RBM3: variants seen among roughly 807,000 people sequenced by gnomAD.
RBM3 encodes RNA binding motif protein 3.
RBM3 carries 3 observed loss-of-function variants against 12.0 expected under a neutral mutation model. That is an observed-to-expected ratio of 0.25 (90% confidence interval 0.11 to 0.65). RBM3 has a LOEUF of 0.65. Among genes scored for constraint, RBM3 ranks in the 30% least tolerant of loss-of-function variants. RBM3 has a pLI of 0.84. For missense variants in RBM3, 108 were observed against 134.5 expected, an observed-to-expected ratio of 0.80 and a Z score of 0.97; for synonymous variants, 58 against 45.7, an observed-to-expected ratio of 1.27 and a Z score of -1.08.
At chrX:48,577,201 G>A in intron 6 of RBM3, 92 bp downstream of exon 6, 1 of 1,177,558 alleles carries the variant, frequency 8.5e-7, no homozygotes, top group Non-Finnish European at 1.1e-6. Flanking sequence ...CTGCATTTCT[G>A]CTGCCCTCAT....
rs1161205767 is a variant in RBM3, at chrX:48,576,928, T to C, written c.414-98T>C. 7.8e-6 allele frequency: 8 copies of C among 1,030,439 alleles called. No homozygotes were observed. In the East Asian group the frequency reaches 9.5e-5, roughly 12 times the overall value. 84.9% of individuals were successfully genotyped at this position (1,030,439 alleles called of 1,213,427 possible). On this transcript the variant is annotated intron_variant, in intron 5 of 6. Coordinates refer to ENST00000376759, the MANE Select transcript of RBM3 (RefSeq NM_006743.5). ...TATCCTGTTTTTGATACGTAAGGTT[T>C]ATGTTATGACCCATACTGTAAAATG...
rs2062073932 is a variant in RBM3, at chrX:48,575,027, C to G, written c.-13-141C>G. 6.1e-6 allele frequency: 3 copies of G among 490,601 alleles called. No individual in the cohort carries two copies. The East Asian group carries it at 1.1e-4, about 18-fold the overall frequency. The allele number at this position is 490,601 out of a possible 1,213,427, so 40.4% of individuals were successfully genotyped here. On this transcript the variant is annotated intron_variant, in intron 1 of 6. Transcript: ENST00000376759. ...TTACCACCTTATTGGCCGCCTTTCT[C>G]AGCTTTTCTGTAGTTACCCATATTT...
intron 2 of RBM3, 79 bp downstream of exon 2, chrX:48,575,362 A>G: frequency 1.0e-6 from 1 of 957,565 alleles, no homozygotes; most frequent in South Asian, 2.1e-5. Flanking sequence ...ATTAACTGAA[A>G]AGTTAGGACC....
At chrX:48,576,199 C>T in intron 3 of RBM3, 115 bp from the exon 4 acceptor site, 1 of 1,167,861 alleles carries the variant, frequency 8.6e-7, no homozygotes, top group African/African-American at 1.8e-5. Context: ...GCACCCAGAA[C>T]CTGGTGCCCA....
At position 48,579,271 on chromosome X, in the gene RBM3, A is replaced by C. The variant is rs2062093659; in HGVS notation, c.*1830A>C. ...CTTTCACCTGGCTAATACTGAGCTA[A>C]GTTACCACCAGGTTGCAAACTCCAG... On this transcript the variant is annotated 3_prime_UTR_variant, in exon 7 of 7. Transcript: ENST00000376759. Among the ~76,000 whole-genome samples, 1 of 111,913 alleles carries C rather than the reference A, an allele frequency of 8.9e-6. No individual in the cohort carries two copies. Among genetic ancestry groups the C allele is most frequent in the South Asian group, 3.7e-4 (1 of 2,719 alleles).
chrX:48,575,604 T>C lies in RBM3; in HGVS notation c.147T>C (p.Phe49=). The C allele has an allele frequency of 8.3e-7, 1 of 1,211,776 alleles. No individual in the cohort carries two copies. The highest frequency in any genetic ancestry group is 1.1e-6 in the Non-Finnish European group (1 of 895,459). Reference sequence around the variant, plus strand: ...GGGAGACTCAGCGGTCCAGGGGTTTTGGTTTCATCACCTTCACCAACCCAG... The same window carrying C: ...GGGAGACTCAGCGGTCCAGGGGTTTCGGTTTCATCACCTTCACCAACCCAG... The part of the protein sequence containing the change: ...KDRETQRSRG[F]GFITFTNPEH... The change falls in exon 3 of 7, where the codon TTT becomes TTC. Residue 49 remains phenylalanine (F), a synonymous_variant. Transcript: ENST00000376759.
Position 48,580,413 on chromosome X carries a change from T to C in RBM3, c.*2972T>C, listed in dbSNP as rs1556990210. On this transcript the variant is annotated 3_prime_UTR_variant, in exon 7 of 7. Transcript: ENST00000376759. ...AGGAGTGTTTTTTTGTTGGTTTTTT[T>C]CCAGACAGGGTCTCACTCTGTCTCC... is the stretch of plus-strand genomic sequence containing the variant. Among the ~76,000 whole-genome samples the C allele has an allele frequency of 2.7e-5, 3 of 111,389 alleles. No individual in the cohort carries two copies. Among genetic ancestry groups the C allele is most frequent in the African/African-American group, 6.5e-5 (2 of 30,574 alleles).
chrX:48,574,598 C>T lies in RBM3; in HGVS notation c.-14+25C>T, dbSNP rs782157599. On this transcript the variant is annotated intron_variant, in intron 1 of 6. Transcript: ENST00000376759. ...GGTAAGTTGCATATGTCCTGCGAAA[C>T]GGCGGCTCCTCGCCACACACGCGCC... 1.7e-3 allele frequency: 572 copies of T among 330,815 alleles called. 7 individuals carry two copies. Among genetic ancestry groups the T allele is most frequent in the Admixed American group, 0.017 (555 of 32,207 alleles). The allele number at this position is 330,815 out of a possible 1,213,427, so 27.3% of individuals were successfully genotyped here. A position where few individuals can be genotyped will look rare whatever the true frequency, so the allele number is the denominator to read the frequency against.
chrX:48,575,177 T>A lies in RBM3; in HGVS notation c.-4T>A, dbSNP rs1434917398. The A allele has an allele frequency of 3.3e-6, 4 of 1,197,857 alleles. No individual in the cohort carries two copies. Among genetic ancestry groups the A allele is most frequent in the Non-Finnish European group, 4.5e-6 (4 of 884,512 alleles). On this transcript the variant is annotated 5_prime_UTR_variant, in exon 2 of 7. Transcript: ENST00000376759. ...CATGTTCTTCCCACAGGACTTGAAC[T>A]GCCATGTCCTCTGAAGAAGGAAAGC... is the stretch of plus-strand genomic sequence containing the variant.
Position 48,578,318 on chromosome X carries a change from T to A in RBM3, c.*877T>A, listed in dbSNP as rs1172120400. ...TGCTTTATTCTTACTCAGCCCATTT[T>A]GCAAATTAAAAGTGGGGGCAGAGGT... On this transcript the variant is annotated 3_prime_UTR_variant, in exon 7 of 7. Transcript: ENST00000376759. 1.2e-4 allele frequency: 13 copies of A among 110,953 alleles called. 1 individual carries two copies. Among genetic ancestry groups the A allele is most frequent in the African/African-American group, 3.3e-4 (10 of 30,594 alleles). The allele number at this position is 110,953 out of a possible 1,213,427, so 9.1% of individuals were successfully genotyped here.
chrX:48,576,683 C>G (rs976919416), intron 5 of RBM3, 79 bp downstream of exon 5: 36 of 1,113,177 alleles, frequency 3.2e-5, no homozygotes, highest in Non-Finnish European at 3.8e-5. Flanking sequence ...TTCATGCATA[C>G]CACACCTTGC....
rs1180596337 is a variant in RBM3, at chrX:48,574,938, ATG to A, written c.-13-229_-13-228del. On this transcript the variant is annotated intron_variant, in intron 1 of 6. Transcript: ENST00000376759. ...GCACAAAATGACGGGCGTGGCGGCT[ATG>A]AATGTGAGAGCATGCGCAATGTGGC... 5 of 441,173 alleles carry A rather than the reference ATG, an allele frequency of 1.1e-5. No individual in the cohort carries two copies. In the East Asian group the frequency reaches 2.1e-4, roughly 19 times the overall value. 36.4% of individuals were successfully genotyped at this position (441,173 alleles called of 1,213,427 possible).
In RBM3 at chrX:48,579,355, T is replaced by C. The variant is rs1310010491; in HGVS notation, c.*1914T>C. Among the ~76,000 whole-genome samples the C allele has an allele frequency of 1.8e-5, 2 of 112,125 alleles. No individual in the cohort carries two copies. The highest frequency in any genetic ancestry group is 3.8e-5 in the Non-Finnish European group (2 of 53,217). On this transcript the variant is annotated 3_prime_UTR_variant, in exon 7 of 7. Coordinates refer to ENST00000376759, the MANE Select transcript of RBM3 (RefSeq NM_006743.5). ...TGGTGCGTTGTGGAACCCTGTATTA[T>C]TAGTTCCAGTCCTGGAGGCCTGCCT... is the stretch of plus-strand genomic sequence containing the variant.
At chrX:48,574,644 A>C (rs781997331) in intron 1 of RBM3, 71 bp downstream of exon 1, 6 of 330,705 alleles carry the variant, frequency 1.8e-5, no homozygotes, top group South Asian at 7.8e-5. Context: ...TGACCGGGGA[A>C]TAGCGAGTGG....
At position 48,578,258 on chromosome X, in the gene RBM3, A is replaced by C. The variant is rs1205521104; in HGVS notation, c.*817A>C. 1 of 110,386 alleles carries C rather than the reference A, an allele frequency of 9.1e-6. No individual in the cohort carries two copies. The highest frequency in any genetic ancestry group is 1.9e-5 in the Non-Finnish European group (1 of 52,897). The allele number at this position is 110,386 out of a possible 1,213,427, so 9.1% of individuals were successfully genotyped here. A position where few individuals can be genotyped will look rare whatever the true frequency, so the allele number is the denominator to read the frequency against. On this transcript the variant is annotated 3_prime_UTR_variant, in exon 7 of 7. Transcript: ENST00000376759. ...ATACAGTGCTTAGGATGTCTTTCAC[A>C]GAGCTTATTAAAAAGATGAAACCTG...
At chrX:48,576,827 A>G (rs2062082533) in intron 5 of RBM3, among the ~76,000 whole-genome samples, 199 bp from the exon 6 acceptor site, 1 of 112,462 alleles carries the variant, frequency 8.9e-6, no homozygotes, top group Non-Finnish European at 1.9e-5. Context: ...TTGCTTTAAC[A>G]TGTAATATGA....
chrX:48,575,068 T>G (rs1452110142), intron 1 of RBM3, 100 bp from the exon 2 acceptor site: 1 of 608,481 alleles, frequency 1.6e-6, no homozygotes, highest in Non-Finnish European at 2.6e-6. Flanking sequence ...CTCTTTCTTG[T>G]CTATTTTCTG....
chrX:48,574,499 G>A lies in RBM3; in HGVS notation c.-88G>A, dbSNP rs1556988703. ...CGTACTCTTTATCAATCGTCTTCCG[G>A]CGCAGCCCCGTCCCTGTTTTTTGTG... is the stretch of plus-strand genomic sequence containing the variant. On this transcript the variant is annotated 5_prime_UTR_variant, in exon 1 of 7. Coordinates refer to ENST00000376759, the MANE Select transcript of RBM3 (RefSeq NM_006743.5). 6.1e-6 allele frequency: 2 copies of A among 330,393 alleles called. No individual in the cohort carries two copies. Among genetic ancestry groups the A allele is most frequent in the South Asian group, 2.6e-5 (1 of 38,443 alleles). 27.2% of individuals were successfully genotyped at this position (330,393 alleles called of 1,213,427 possible).
rs782611247 is a variant in RBM3, at chrX:48,577,195, A to G, written c.*23+86A>G. 3.4e-6 allele frequency: 4 copies of G among 1,181,017 alleles called. No homozygotes were observed. The African/African-American group carries it at 5.3e-5, about 16-fold the overall frequency. ...ACCTTTTCTGGCAAGACTGCTCTGC[A>G]TTTCTGCTGCCCTCATACCTCACCC... On this transcript the variant is annotated intron_variant, in intron 6 of 6. Coordinates refer to ENST00000376759, the MANE Select transcript of RBM3 (RefSeq NM_006743.5).
Sources: gnomAD v4.1 joint callset for allele counts (sites outside exome capture counted in the v4.1 genomes callset) on GRCh38, gnomAD v4.1.1 for gene constraint, MANE v1.5 for transcripts, NCBI Gene and HGNC (gene_info 2026-07-23, HGNC 2026-07-21) for gene names.